The following NRP1 variants were observed in gnomAD, a reference collection of about 807,000 sequenced individuals.
NRP1 encodes neuropilin 1.
In NRP1, 35 loss-of-function variants were observed where a neutral mutation model predicts 106.7. The observed-to-expected ratio is 0.33, with a 90% CI of 0.25 to 0.43. The LOEUF (loss-of-function observed/expected upper bound fraction) is 0.43, where lower values mean the gene tolerates loss of function less well. Among genes scored for constraint, NRP1 ranks in the 20% least tolerant of loss-of-function variants. The pLI, the probability that NRP1 is intolerant of heterozygous loss-of-function variation, is 1.00. For synonymous variants in NRP1, 437 were observed against 417.9 expected (o/e 1.05, Z -0.56); for missense variants, 1,024 against 1,170.4 (o/e 0.87, Z 1.83).
intron 2 of NRP1, among the ~76,000 whole-genome samples, chr10:33,279,256 C>T (rs1444308712): frequency 1.3e-5 from 2 of 152,190 alleles, no homozygotes; most frequent in Non-Finnish European, 2.9e-5. Flanking sequence ...CTGGGATGAC[C>T]TTGCTGGATT....
At chr10:33,287,578 T>C (rs760731433) in intron 2 of NRP1, among the ~76,000 whole-genome samples, 8 of 152,248 alleles carry the variant, frequency 5.3e-5, no homozygotes, top group Non-Finnish European at 7.3e-5. Flanking sequence ...CTGTTACACA[T>C]GAGAATATCT....
At chr10:33,271,842 T>C (rs1843331664) in intron 2 of NRP1, among the ~76,000 whole-genome samples, 1 of 152,238 alleles carries the variant, frequency 6.6e-6, no homozygotes, top group African/African-American at 2.4e-5. Flanking sequence ...GAGCTTGCTC[T>C]TTCTTCTCTT....
At chr10:33,215,385 C>T (rs979069280) in intron 8 of NRP1, among the ~76,000 whole-genome samples, 1 of 152,218 alleles carries the variant, frequency 6.6e-6, no homozygotes, top group Admixed American at 6.5e-5. Context: ...CATGTACCCA[C>T]AGCTAGATTA....
intron 10 of NRP1, among the ~76,000 whole-genome samples, chr10:33,204,932 A>T (rs1837644450): frequency 6.6e-6 from 1 of 151,966 alleles, no homozygotes; most frequent in Non-Finnish European, 1.5e-5. Context: ...GGATTTCACC[A>T]TGTTGGCCAG....
intron 6 of NRP1, among the ~76,000 whole-genome samples, chr10:33,241,297 T>A (rs1459310741): frequency 4.6e-5 from 7 of 152,152 alleles, no homozygotes; most frequent in African/African-American, 1.7e-4. Flanking sequence ...CCCTTTGCTA[T>A]CCAAATGCAG....
chr10:33,185,735 A>G lies in NRP1; in HGVS notation c.2335-11T>C, dbSNP rs1835960872. The G allele has an allele frequency of 6.2e-7, 1 of 1,608,646 alleles. No homozygotes were observed. The highest frequency in any genetic ancestry group is 1.3e-5 in the African/African-American group (1 of 74,844). On this transcript the variant is annotated splice_polypyrimidine_tract_variant and intron_variant, in intron 14 of 16. Coordinates refer to ENST00000374867, the MANE Select transcript of NRP1 (RefSeq NM_003873.7). ...GCCCTCGAAAATCACCTAACAAAAT[A>G]AGATCATTTTCACAGTATTGAAATG... is the stretch of plus-strand genomic sequence containing the variant.
chr10:33,200,631 A>G (rs1337741338), intron 11 of NRP1, among the ~76,000 whole-genome samples: 1 of 152,218 alleles, frequency 6.6e-6, no homozygotes, highest in Non-Finnish European at 1.5e-5. Flanking sequence ...TCATCACACT[A>G]AACATCCACG....
Position 33,226,725 on chromosome 10 carries a change from C to T in NRP1, c.982-436G>A, listed in dbSNP as rs536503987. Among the ~76,000 whole-genome samples the T allele has an allele frequency of 1.5e-4, 23 of 152,308 alleles. No homozygotes were observed. In the South Asian group the frequency reaches 4.6e-3, roughly 30 times the overall value. ...GCCTGCTACCTGGTCTTTACCTGTA[C>T]GTTATCTTAACCCAGACATTCCTAA... On this transcript the variant is annotated intron_variant, in intron 6 of 16. Coordinates refer to ENST00000374867, the MANE Select transcript of NRP1 (RefSeq NM_003873.7).
At chr10:33,217,942 G>T (rs1242208407) in intron 8 of NRP1, among the ~76,000 whole-genome samples, 1 of 152,168 alleles carries the variant, frequency 6.6e-6, no homozygotes, top group African/African-American at 2.4e-5. Flanking sequence ...AATTTCCAAC[G>T]AATGAGAAAG....
At chr10:33,219,102 G>T (rs1047310321) in intron 8 of NRP1, among the ~76,000 whole-genome samples, 4 of 152,176 alleles carry the variant, frequency 2.6e-5, no homozygotes, top group African/African-American at 9.7e-5. Flanking sequence ...TAGAGGCTCT[G>T]CTTGCTGGGG....
chr10:33,284,165 A>G (rs1174915342), intron 2 of NRP1, among the ~76,000 whole-genome samples: 1 of 152,238 alleles, frequency 6.6e-6, no homozygotes, highest in African/African-American at 2.4e-5. Flanking sequence ...AAAGGGAGAG[A>G]GAATGTTGTT....
chr10:33,224,407 TC>T (rs1415216273), intron 7 of NRP1, among the ~76,000 whole-genome samples: 2 of 151,982 alleles, frequency 1.3e-5, no homozygotes. Context: ...GGTTTTTTTT[TC>T]CTTAACAAAA....
chr10:33,266,178 T>G (rs1455214981), intron 3 of NRP1, among the ~76,000 whole-genome samples: 7 of 152,314 alleles, frequency 4.6e-5, no homozygotes, highest in African/African-American at 1.4e-4. Context: ...GAGAAAAAAA[T>G]GACAGGAATT....
At chr10:33,321,620 A>G (rs1847519484) in intron 2 of NRP1, among the ~76,000 whole-genome samples, 1 of 152,118 alleles carries the variant, frequency 6.6e-6, no homozygotes, top group South Asian at 2.1e-4. Flanking sequence ...TAAGATTATG[A>G]TTTTGACCCC....
At chr10:33,294,138 C>T (rs117616962) in intron 2 of NRP1, among the ~76,000 whole-genome samples, 1,648 of 152,302 alleles carry the variant, frequency 0.011, 14 homozygotes, top group Non-Finnish European at 0.018. Context: ...TTTTCAAGTG[C>T]ATGTGCAGTT....
intron 2 of NRP1, among the ~76,000 whole-genome samples, chr10:33,314,925 C>G (rs1846909044): frequency 6.6e-6 from 1 of 152,184 alleles, no homozygotes; most frequent in South Asian, 2.1e-4. Flanking sequence ...TGTGCATTTA[C>G]TGGGGTTGCC....
chr10:33,311,959 A>C (rs2804491), intron 2 of NRP1, among the ~76,000 whole-genome samples: 126,824 of 151,618 alleles, frequency 0.84, 53,645 homozygotes, highest in East Asian at 0.98. Context: ...TTTTCTCATA[A>C]CAGTGTTTAG....
At position 33,180,353 on chromosome 10, in the gene NRP1, C is replaced by G; in HGVS notation, c.2495G>C (p.Gly832Ala). The G allele has an allele frequency of 6.3e-7, 1 of 1,598,956 alleles. No homozygotes were observed. Among genetic ancestry groups the G allele is most frequent in the Non-Finnish European group, 8.6e-7 (1 of 1,168,904 alleles). ...GTCACCTTCTCCTTCACCTTCGTAT[C>G]CTGGCGTGCTCCCTATGGAAAAAAA... is the stretch of plus-strand genomic sequence containing the variant. ...IKIDETGSTP[G>A]YEGEGEGDKN... The change falls in exon 17 of 17, where the codon GGA (glycine) becomes GCA (alanine). Residue 832 changes from glycine to alanine, a missense_variant. Gly to Ala is a moderately conservative substitution (Grantham distance 60). Around this residue, in one of 5 missense-constraint regions of NRP1, gnomAD observed 164 missense variants for 161.4 expected, o/e 1.02. Coordinates refer to ENST00000374867, the MANE Select transcript of NRP1 (RefSeq NM_003873.7).
intron 6 of NRP1, among the ~76,000 whole-genome samples, chr10:33,249,943 G>C (rs1841727592): frequency 6.6e-6 from 1 of 151,908 alleles, no homozygotes; most frequent in Non-Finnish European, 1.5e-5. Context: ...GGAAAACAAT[G>C]GGAACCGAAG....
Sources: allele counts gnomAD v4.1 joint callset (sites outside exome capture counted in the v4.1 genomes callset), GRCh38; gene constraint gnomAD v4.1.1; regional missense constraint gnomAD v4.1.1; transcripts MANE v1.5; gene names NCBI Gene and HGNC (gene_info 2026-07-23, HGNC 2026-07-21).